The following FAN1 variants were observed in gnomAD, a reference collection of about 807,000 sequenced individuals.
The protein encoded by FAN1 is fanconi-associated nuclease 1.
Under a neutral mutation model 104.9 loss-of-function variants are expected in FAN1, and 91 were observed. That is an observed-to-expected ratio of 0.87 (90% CI 0.73 to 1.03). FAN1 has a LOEUF of 1.03. FAN1 is among the 50% of genes least tolerant of loss of function. The pLI is 0.00. For synonymous variants in FAN1, 478 were observed against 457.6 expected (o/e 1.04, Z -0.57); for missense variants, 1,263 against 1,239.9 (o/e 1.02, Z -0.28).
chr15:30,938,675 C>G (rs894611771), intron 14 of FAN1, among the ~76,000 whole-genome samples: 3 of 152,084 alleles, frequency 2.0e-5, no homozygotes, highest in East Asian at 1.9e-4. Flanking sequence ...TTCTTTGAAG[C>G]CTTCTTGGGG....
intron 13 of FAN1, among the ~76,000 whole-genome samples, chr15:30,935,772 T>G (rs1357471308): frequency 1.3e-5 from 2 of 152,232 alleles, no homozygotes; most frequent in Admixed American, 1.3e-4. Context: ...TTGACAGTTA[T>G]TTTTCAATAC....
intron 8 of FAN1, among the ~76,000 whole-genome samples, chr15:30,923,390 A>C (rs758136398): frequency 6.6e-6 from 1 of 152,154 alleles, no homozygotes; most frequent in Non-Finnish European, 1.5e-5. Context: ...AAAGTTCAAG[A>C]GAGTACAGAT....
chr15:30,942,681 C>T lies in FAN1; in HGVS notation c.*1119C>T. On this transcript the variant is annotated 3_prime_UTR_variant, in exon 15 of 15. Coordinates refer to ENST00000362065, the MANE Select transcript of FAN1 (RefSeq NM_014967.5). ...TGCAGGCTCAAAGCTGCAATCTGCC[C>T]ACTCTCAGGTACTGAGACTTTGTGG... 5 of 515,820 alleles carry T rather than the reference C, an allele frequency of 9.7e-6. No homozygotes were observed. The highest frequency in any genetic ancestry group is 1.7e-5 in the Non-Finnish European group (5 of 299,176). 32.0% of individuals were successfully genotyped at this position (515,820 alleles called of 1,614,324 possible). A position where few individuals can be genotyped will look rare whatever the true frequency, so the allele number is the denominator to read the frequency against.
At chr15:30,937,648 C>T (rs1289315822) in intron 14 of FAN1, among the ~76,000 whole-genome samples, 5 of 151,354 alleles carry the variant, frequency 3.3e-5, no homozygotes, top group African/African-American at 7.3e-5. Context: ...GACGGGGTTT[C>T]ACCATGTTGG....
chr15:30,940,418 TCTC>T (rs2063003260), intron 14 of FAN1: 1 of 985,284 alleles, frequency 1.0e-6, no homozygotes, highest in Non-Finnish European at 1.2e-6. Context: ...TTTTTTTATT[TCTC>T]CTCTATTCCT....
chr15:30,941,435 C>G (rs963713764), intron 14 of FAN1, 131 bp from the exon 15 acceptor site: 2 of 1,570,634 alleles, frequency 1.3e-6, no homozygotes, highest in Non-Finnish European at 1.7e-6. Context: ...AAAAAGTTGA[C>G]AGCTTCCCTC....
At chr15:30,941,535 A>G (rs1169006979) in intron 14 of FAN1, 31 bp from the exon 15 acceptor site, 2 of 1,609,714 alleles carry the variant, frequency 1.2e-6, no homozygotes, top group African/African-American at 1.3e-5. Flanking sequence ...AATTTGCTTA[A>G]TGGTGTTCCT....
At position 30,905,846 on chromosome 15, in the gene FAN1, C is replaced by T; in HGVS notation, c.1183C>T (p.Leu395Phe). ...TVLENEDDML[L>F]FDEQEKGIVT... ...ACTTGAGAATGAAGATGATATGTTG[C>T]TCTTTGATGAGCAGGAGAAGGGAAT... The change falls in exon 2 of 15, where the codon CTC becomes TTC. Residue 395 changes from leucine to phenylalanine, a missense_variant. This residue lies in a region of FAN1 where 682 missense variants were observed against 571.1 expected (regional missense o/e 1.19). Transcript: ENST00000362065. The T allele has an allele frequency of 1.2e-6, 2 of 1,614,036 alleles. No individual in the cohort carries two copies. The highest frequency in any genetic ancestry group is 1.7e-6 in the Non-Finnish European group (2 of 1,179,900).
chr15:30,905,166 A>C lies in FAN1; in HGVS notation c.503A>C (p.Lys168Thr). ...TCCAGAAAATACGTAAAGGCTAAAA[A>C]ATCAATAGATAAGGATGAAGAATTT... ...KLSRKYVKAK[K>T]SIDKDEEFAG... Residue 168 changes from lysine to threonine, a missense_variant, in exon 2 of 15, where the codon AAA (lysine) becomes ACA (threonine). Coordinates refer to ENST00000362065, the MANE Select transcript of FAN1 (RefSeq NM_014967.5). 6.2e-7 allele frequency: 1 copy of C among 1,613,904 alleles called. No individual in the cohort carries two copies. The highest frequency in any genetic ancestry group is 8.5e-7 in the Non-Finnish European group (1 of 1,180,006).
At position 30,940,897 on chromosome 15, in the gene FAN1, A is replaced by C. The variant is rs79843877; in HGVS notation, c.*4-669A>C. The C allele has an allele frequency of 1.3e-3, 1,366 of 1,024,704 alleles. 10 individuals carry two copies. The African/African-American group carries it at 0.021, about 15-fold the overall frequency. 63.5% of individuals were successfully genotyped at this position (1,024,704 alleles called of 1,614,324 possible). ...TATCATTTTAAAGTTGACCCTATGA[A>C]GTTAAAAGCAAACTCATGATTTCAA... On this transcript the variant is annotated intron_variant, in intron 14 of 14. Coordinates refer to ENST00000362065, the MANE Select transcript of FAN1 (RefSeq NM_014967.5).
Position 30,910,825 on chromosome 15 carries a change from G to A in FAN1, c.1577+10G>A. The A allele has an allele frequency of 6.2e-7, 1 of 1,611,492 alleles. No individual in the cohort carries two copies. The highest frequency in any genetic ancestry group is 8.5e-7 in the Non-Finnish European group (1 of 1,178,504). ...CAGTGATTTTAAAAAGGTTTTGTTG[G>A]CTATTGTTACAGTAAAAACATTTAA... On this transcript the variant is annotated intron_variant, in intron 4 of 14. Transcript: ENST00000362065.
At chr15:30,940,742 T>C in intron 14 of FAN1, 2 of 990,032 alleles carry the variant, frequency 2.0e-6, no homozygotes, top group African/African-American at 1.7e-5. Flanking sequence ...ATTTCAAATA[T>C]GCAATGGGAT....
In FAN1 at chr15:30,937,078, AG is replaced by A. The variant is rs539015831; in HGVS notation, c.2917-40del. The A allele has an allele frequency of 2.1e-4, 323 of 1,560,034 alleles. 2 individuals are homozygous for A. The African/African-American group carries it at 4.0e-3, about 19-fold the overall frequency. On this transcript the variant is annotated intron_variant, in intron 13 of 14. Transcript: ENST00000362065. ...AACTTACTTGAATGGCTTTTCATTC[AG>A]TAAGATACTAATAACAACTTTTAAA... is the stretch of plus-strand genomic sequence containing the variant.
intron 3 of FAN1, among the ~76,000 whole-genome samples, chr15:30,910,192 C>T (rs942738890): frequency 6.6e-6 from 1 of 152,200 alleles, no homozygotes; most frequent in Non-Finnish European, 1.5e-5. Flanking sequence ...AACAGGCTCA[C>T]GAATGCCGAG....
chr15:30,926,966 C>G, intron 10 of FAN1: 1 of 985,386 alleles, frequency 1.0e-6, no homozygotes, highest in Non-Finnish European at 1.2e-6. Context: ...TGAAGTACTG[C>G]ACCAAAAATG....
intron 12 of FAN1, among the ~76,000 whole-genome samples, chr15:30,929,614 TAA>T (rs1491388050): frequency 1.6e-5 from 2 of 129,028 alleles, no homozygotes; most frequent in African/African-American, 3.0e-5. Context: ...ATTACATATA[TAA>T]TATATATTAT....
At position 30,910,602 on chromosome 15, in the gene FAN1, T is replaced by A. The variant is rs1387563657; in HGVS notation, c.1376-12T>A. The A allele has an allele frequency of 1.3e-6, 2 of 1,495,232 alleles. No individual in the cohort carries two copies. The highest frequency in any genetic ancestry group is 1.8e-6 in the Non-Finnish European group (2 of 1,114,824). 92.6% of individuals were successfully genotyped at this position (1,495,232 alleles called of 1,614,324 possible). A position where few individuals can be genotyped will look rare whatever the true frequency, so the allele number is the denominator to read the frequency against. Reference sequence around the variant, plus strand: ...TAAAATTTAAAAAAACTTTTTTTTTTAACCATTTCAGAATCTGAGTTGCAA... The same window carrying A: ...TAAAATTTAAAAAAACTTTTTTTTTAAACCATTTCAGAATCTGAGTTGCAA... On this transcript the variant is annotated splice_polypyrimidine_tract_variant and intron_variant, in intron 3 of 14. Transcript: ENST00000362065.
chr15:30,926,679 G>C, intron 10 of FAN1: 1 of 985,424 alleles, frequency 1.0e-6, no homozygotes, highest in Non-Finnish European at 1.2e-6. Context: ...GCCTGAAATG[G>C]TTAGAAATAG....
chr15:30,928,458 G>A, intron 10 of FAN1, 95 bp from the exon 11 acceptor site: 1 of 1,546,624 alleles, frequency 6.5e-7, no homozygotes, highest in Non-Finnish European at 8.7e-7. Context: ...GAAATTGAGT[G>A]TGCAGTAGGT....
Sources: gnomAD v4.1 joint callset for allele counts (sites outside exome capture counted in the v4.1 genomes callset) on GRCh38, gnomAD v4.1.1 for gene constraint, gnomAD v4.1.1 regional missense constraint, MANE v1.5 for transcripts, NCBI Gene and HGNC (gene_info 2026-07-23, HGNC 2026-07-21) for gene names.